Variants in SFSWAP observed in about 807,000 individuals in gnomAD.
The protein encoded by SFSWAP is splicing factor, suppressor of white-apricot homolog.
Under a neutral mutation model 100.7 loss-of-function variants are expected in SFSWAP, and 17 were observed. That is an observed-to-expected ratio of 0.17 (90% CI 0.12 to 0.25). SFSWAP has a LOEUF of 0.25. SFSWAP is among the 10% of genes least tolerant of loss of function. SFSWAP has a pLI of 1.00. For missense variants in SFSWAP, 1,005 were observed against 1,262.6 expected (o/e 0.80, Z 3.09); for synonymous variants, 504 against 510.1 (o/e 0.99, Z 0.16).
rs768162408 is a variant in SFSWAP, at chr12:131,755,475, T to A, written c.1544T>A (p.Met515Lys). The A allele has an allele frequency of 3.7e-6, 6 of 1,610,262 alleles. No homozygotes were observed. The Admixed American group carries it at 1.0e-4, about 27-fold the overall frequency. ...FFLQKEGGDSMQAVSAPEEAP... is the reference protein window; with the variant it reads ...FFLQKEGGDSKQAVSAPEEAP... ...CTCCAGAAAGAAGGGGGCGATAGCA[T>A]GCAGGTACGTGTCTGAATGCAGGGA... Residue 515 changes from methionine to lysine, a missense_variant, in exon 10 of 18, where the codon ATG (methionine) becomes AAG (lysine). Met to Lys is a moderately conservative substitution (Grantham distance 95). Transcript: ENST00000261674.
intron 15 of SFSWAP, among the ~76,000 whole-genome samples, chr12:131,789,501 C>T (rs555684066): frequency 6.6e-6 from 1 of 152,034 alleles, no homozygotes; most frequent in South Asian, 2.1e-4. Flanking sequence ...AGCCACTGCA[C>T]CCCCCACCTG....
chr12:131,796,992 CG>C (rs1471762567), intron 15 of SFSWAP, 185 bp from the exon 16 acceptor site: 4 of 576,396 alleles, frequency 6.9e-6, no homozygotes, highest in African/African-American at 1.9e-5. Context: ...AATGGGGACG[CG>C]TCATCTGTTA....
chr12:131,771,956 C>G (rs1225859035), intron 13 of SFSWAP, among the ~76,000 whole-genome samples: 1 of 152,184 alleles, frequency 6.6e-6, no homozygotes, highest in Non-Finnish European at 1.5e-5. Flanking sequence ...CCACCGCTCC[C>G]GGCCACTTTG....
Position 131,711,838 on chromosome 12 carries a change from T to C in SFSWAP, c.218+391T>C, listed in dbSNP as rs1468519876. 4.6e-6 allele frequency: 1 copy of C among 219,712 alleles called. No individual in the cohort carries two copies. Among genetic ancestry groups the C allele is most frequent in the African/African-American group, 2.3e-5 (1 of 43,300 alleles). The allele number at this position is 219,712 out of a possible 1,614,324, so 13.6% of individuals were successfully genotyped here. On this transcript the variant is annotated intron_variant, in intron 1 of 17. Transcript: ENST00000261674. This position sits in a 1 kb window ranked among gnomAD's most constrained non-coding sequence, Gnocchi z 4.9. ...TGGGGTCGTGCGCTGCTTTTCTACT[T>C]GCCGCGCTCTCACTGCTCGGTGTAC...
At chr12:131,759,106 A>C (rs932692189) in intron 11 of SFSWAP, among the ~76,000 whole-genome samples, 3 of 152,170 alleles carry the variant, frequency 2.0e-5, no homozygotes, top group Non-Finnish European at 4.4e-5. Flanking sequence ...TAAGTACACA[A>C]GCTACAACTA....
chr12:131,724,978 C>T (rs1224023165), intron 4 of SFSWAP, among the ~76,000 whole-genome samples: 2 of 152,156 alleles, frequency 1.3e-5, no homozygotes, highest in Non-Finnish European at 2.9e-5. Context: ...GAAACCTAGT[C>T]CCCGCTAAGA....
chr12:131,776,254 A>G (rs1203241148), intron 13 of SFSWAP, among the ~76,000 whole-genome samples: 3 of 152,252 alleles, frequency 2.0e-5, no homozygotes, highest in Non-Finnish European at 4.4e-5. Flanking sequence ...TAATTTAGGC[A>G]GAGACTTAAA....
At chr12:131,790,157 G>A (rs1475706024) in intron 15 of SFSWAP, among the ~76,000 whole-genome samples, 1 of 152,100 alleles carries the variant, frequency 6.6e-6, no homozygotes, top group Non-Finnish European at 1.5e-5. Context: ...AGCATTTTTG[G>A]TTTTGATTTT....
Position 131,733,978 on chromosome 12 carries a change from A to G in SFSWAP, c.1081+5550A>G, listed in dbSNP as rs570602113. 6.6e-6 allele frequency among the ~76,000 whole-genome samples: 1 copy of G among 152,320 alleles called. No homozygotes were observed. The highest frequency in any genetic ancestry group is 2.4e-5 in the African/African-American group (1 of 41,588). Reference sequence around the variant, plus strand: ...AGCCCACCCTGGGGCAGGGTGACACATGGGAGCAGGTCAGTGCCCTGTGTG... The same window carrying G: ...AGCCCACCCTGGGGCAGGGTGACACGTGGGAGCAGGTCAGTGCCCTGTGTG... On this transcript the variant is annotated intron_variant, in intron 7 of 17. Transcript: ENST00000261674. The surrounding 1 kb of genome is among the most constrained non-coding windows in gnomAD (Gnocchi z 5.1).
intron 11 of SFSWAP, chr12:131,757,339 A>AG (rs1882269242): frequency 6.6e-6 from 1 of 152,426 alleles, no homozygotes; most frequent in Admixed American, 6.5e-5. Flanking sequence ...GAGATGCGGT[A>AG]GGTGGTCAGC....
At chr12:131,715,892 G>A (rs1175187822) in intron 3 of SFSWAP, among the ~76,000 whole-genome samples, 1 of 152,008 alleles carries the variant, frequency 6.6e-6, no homozygotes, top group Non-Finnish European at 1.5e-5. Flanking sequence ...AAGAGATGGG[G>A]TCTCACTGTG....
At chr12:131,719,409 T>C (rs1878247467) in intron 3 of SFSWAP, 45 bp from the exon 4 acceptor site, 1 of 1,460,454 alleles carries the variant, frequency 6.8e-7, no homozygotes, top group Admixed American at 1.7e-5. Context: ...GCAGGTGCCT[T>C]CCTCCCTGCA....
In SFSWAP at chr12:131,729,612, A is replaced by G. The variant is rs557035405; in HGVS notation, c.1081+1184A>G. ...TTCTTTTATGGTATTCATTAAAGGTAAGTCTTGAAGGTCCATGCAGGAGAT... is the reference window on the plus strand; with the variant it reads ...TTCTTTTATGGTATTCATTAAAGGTGAGTCTTGAAGGTCCATGCAGGAGAT... On this transcript the variant is annotated intron_variant, in intron 7 of 17. Coordinates refer to ENST00000261674, the MANE Select transcript of SFSWAP (RefSeq NM_004592.4). Among the ~76,000 whole-genome samples the G allele has an allele frequency of 3.5e-4, 54 of 152,332 alleles. 1 individual carries two copies. The South Asian group carries it at 0.011, about 30-fold the overall frequency.
intron 13 of SFSWAP, among the ~76,000 whole-genome samples, chr12:131,773,586 C>G (rs1566046511): frequency 6.6e-6 from 1 of 152,190 alleles, no homozygotes; most frequent in East Asian, 1.9e-4. Context: ...TCAAGCAGTT[C>G]TCCCGCCTTG....
chr12:131,781,245 T>A (rs534392099), intron 14 of SFSWAP, among the ~76,000 whole-genome samples: 1,603 of 147,702 alleles, frequency 0.011, 30 homozygotes, highest in African/African-American at 0.025. Context: ...TTTTTTTTTT[T>A]TTTTTTTTTT....
intron 7 of SFSWAP, among the ~76,000 whole-genome samples, chr12:131,739,735 G>A (rs12314207): frequency 6.6e-6 from 1 of 151,658 alleles, no homozygotes. Context: ...TTAGTAGACA[G>A]GGTTTCACTG....
At chr12:131,772,590 C>G (rs1883706947) in intron 13 of SFSWAP, among the ~76,000 whole-genome samples, 1 of 152,218 alleles carries the variant, frequency 6.6e-6, no homozygotes, top group African/African-American at 2.4e-5. Context: ...AGCAAAGGAA[C>G]TCTCCTCTCT....
At chr12:131,774,229 A>G (rs1045425091) in intron 13 of SFSWAP, among the ~76,000 whole-genome samples, 1 of 152,164 alleles carries the variant, frequency 6.6e-6, no homozygotes, top group Admixed American at 6.5e-5. Context: ...GCAACGCCGC[A>G]GTGTTGGTTA....
intron 7 of SFSWAP, among the ~76,000 whole-genome samples, chr12:131,751,695 A>C (rs1305017005): frequency 2.0e-5 from 3 of 152,250 alleles, no homozygotes; most frequent in African/African-American, 7.2e-5. Flanking sequence ...CCATCAGGTC[A>C]GTTCGTTGGT....
Sources: allele counts gnomAD v4.1 joint callset (sites outside exome capture counted in the v4.1 genomes callset), GRCh38; gene constraint gnomAD v4.1.1; non-coding constraint Gnocchi (gnomAD v3.1); transcripts MANE v1.5; gene names NCBI Gene and HGNC (gene_info 2026-07-23, HGNC 2026-07-21).